HS1BP3: variants seen among roughly 807,000 people sequenced by gnomAD.
The protein encoded by HS1BP3 is HCLS1 binding protein 3, also known as HCLS1-binding protein 3.
In HS1BP3, 32 loss-of-function variants were observed where a neutral mutation model predicts 33.5. The ratio of observed to expected loss-of-function variants is 0.95; its 90% CI spans 0.72 to 1.28. The LOEUF (loss-of-function observed/expected upper bound fraction) is 1.28. Ranked by LOEUF, HS1BP3 falls within the 50% of genes most tolerant of loss-of-function variation. The pLI is 0.00. For synonymous variants in HS1BP3, 187 were observed against 209.2 expected (o/e 0.89, Z 0.92); for missense variants, 486 against 502.3 (o/e 0.97, Z 0.31).
the HS1BP3 span, among the ~76,000 whole-genome samples, chr2:20,554,352 T>G: frequency 6.6e-6 from 1 of 152,122 alleles, no homozygotes; most frequent in Non-Finnish European, 1.5e-5. Context: ...TAACACACAT[T>G]CATGCAGCAT....
intron 5 of HS1BP3, among the ~76,000 whole-genome samples, chr2:20,583,882 T>C (rs1256593607): frequency 6.6e-6 from 1 of 152,314 alleles, no homozygotes; most frequent in East Asian, 1.9e-4. Flanking sequence ...TCCTGGGACC[T>C]GGCCAGCATA....
At chr2:20,648,461 CA>C (rs1695584659) in intron 1 of HS1BP3, among the ~76,000 whole-genome samples, 7 of 152,320 alleles carry the variant, frequency 4.6e-5, no homozygotes, top group Non-Finnish European at 1.0e-4. Flanking sequence ...CAGCAGTGGG[CA>C]CAGTCAGCCA....
At position 20,566,376 on chromosome 2, in the gene HS1BP3, C is replaced by A. The variant is rs748447863; in HGVS notation, c.303-5861G>T. ...TATGTGGGTCCGGGTGGGGTGACTC[C>A]CAGCTCTCAGCATTTCTGCCCCAGT... On this transcript the variant is annotated intron_variant, in intron 5 of 5. Coordinates refer to the HS1BP3 transcript ENST00000446825. Among the ~76,000 whole-genome samples, 4 of 152,308 alleles carry A rather than the reference C, an allele frequency of 2.6e-5. No homozygotes were observed. The South Asian group carries it at 6.2e-4, about 24-fold the overall frequency.
At chr2:20,640,927 T>C (rs1695319974) in intron 3 of HS1BP3, 46 bp downstream of exon 3, 2 of 1,589,492 alleles carry the variant, frequency 1.3e-6, no homozygotes, top group Admixed American at 3.3e-5. Flanking sequence ...GGGGCCTAGT[T>C]CTGGGCCGGG....
chr2:20,570,103 A>G (rs1693230012), intron 5 of HS1BP3, among the ~76,000 whole-genome samples: 2 of 152,262 alleles, frequency 1.3e-5, no homozygotes, highest in Non-Finnish European at 2.9e-5. Context: ...GCCACAAGCA[A>G]TTCCAGGGCT....
intron 5 of HS1BP3, among the ~76,000 whole-genome samples, chr2:20,583,361 G>C (rs1266195871): frequency 7.3e-6 from 1 of 137,556 alleles, no homozygotes; most frequent in Non-Finnish European, 1.5e-5. Context: ...GGGCGCAGTT[G>C]GTTCTCACTA....
intron 2 of HS1BP3, among the ~76,000 whole-genome samples, chr2:20,606,014 A>G (rs984097778): frequency 6.6e-6 from 1 of 152,104 alleles, no homozygotes; most frequent in Non-Finnish European, 1.5e-5. Context: ...TTCTTGAGGA[A>G]CCACCACACT....
intron 5 of HS1BP3, among the ~76,000 whole-genome samples, chr2:20,580,046 C>T (rs1037045382): frequency 3.3e-5 from 5 of 152,270 alleles, no homozygotes; most frequent in Non-Finnish European, 5.9e-5. Flanking sequence ...ACTCCCTGAA[C>T]TCATACCCAC....
chr2:20,572,092 C>A (rs1693288086), intron 5 of HS1BP3, among the ~76,000 whole-genome samples: 1 of 152,246 alleles, frequency 6.6e-6, no homozygotes. Context: ...ACCCCCTGCA[C>A]TCTTTCCTTT....
At position 20,620,960 on chromosome 2, in the gene HS1BP3, C is replaced by T. The variant is rs117988451; in HGVS notation, c.921-1715G>A. The stretch of plus-strand genomic sequence containing the variant: ...CAGAGAAGGGAGTGAGCCCTTGGGC[C>T]AGAGCAGGCTGGGAAGGCCTCCTGG... On this transcript the variant is annotated intron_variant, in intron 6 of 6. Transcript: ENST00000304031. Among the ~76,000 whole-genome samples the T allele has an allele frequency of 9.8e-5, 15 of 152,324 alleles. No individual in the cohort carries two copies. The East Asian group carries it at 2.9e-3, about 29-fold the overall frequency.
downstream of HS1BP3, among the ~76,000 whole-genome samples, chr2:20,617,322 G>A (rs1694450561): frequency 6.6e-6 from 1 of 152,208 alleles, no homozygotes. Context: ...GAAGGGGGAA[G>A]GCAAATGGGT....
intron 4 of HS1BP3, among the ~76,000 whole-genome samples, chr2:20,629,993 C>T (rs13394212): frequency 0.047 from 7,202 of 152,296 alleles, 577 homozygotes; most frequent in African/African-American, 0.16. Flanking sequence ...ACCCACACAG[C>T]AGACCACCAA....
chr2:20,610,393 C>T (rs192198522), intron 2 of HS1BP3, among the ~76,000 whole-genome samples: 248 of 152,246 alleles, frequency 1.6e-3, no homozygotes, highest in African/African-American at 5.7e-3. Context: ...CCTTGAACCC[C>T]AGAAACCACT....
At chr2:20,572,886 C>A (rs1325279223) in intron 5 of HS1BP3, among the ~76,000 whole-genome samples, 1 of 152,174 alleles carries the variant, frequency 6.6e-6, no homozygotes, top group African/African-American at 2.4e-5. Flanking sequence ...TGCCAAGCCC[C>A]ATGGGAGCAG....
intron 1 of HS1BP3, among the ~76,000 whole-genome samples, chr2:20,647,127 G>C (rs1695543853): frequency 6.6e-6 from 1 of 152,120 alleles, no homozygotes; most frequent in Non-Finnish European, 1.5e-5. Flanking sequence ...TCAGGGGTGG[G>C]AAAGGGATGG....
chr2:20,639,161 G>T (rs1695261903), intron 3 of HS1BP3, among the ~76,000 whole-genome samples: 1 of 152,224 alleles, frequency 6.6e-6, no homozygotes, highest in African/African-American at 2.4e-5. Flanking sequence ...TGGACTGGAT[G>T]GGTGCCCAGG....
At chr2:20,588,004 A>G (rs922843717), downstream of HS1BP3, among the ~76,000 whole-genome samples, 1 of 151,968 alleles carries the variant, frequency 6.6e-6, no homozygotes, top group Non-Finnish European at 1.5e-5. Flanking sequence ...ACCCCAGGAC[A>G]TGGGACACCT....
chr2:20,564,347 C>T (rs2149270291), intron 5 of HS1BP3, among the ~76,000 whole-genome samples: 1 of 152,254 alleles, frequency 6.6e-6, no homozygotes, highest in East Asian at 1.9e-4. Flanking sequence ...TCCGTGGCCC[C>T]AGCTGGCCCA....
At chr2:20,573,553 G>A (rs767269203) in intron 5 of HS1BP3, among the ~76,000 whole-genome samples, 4 of 152,142 alleles carry the variant, frequency 2.6e-5, no homozygotes, top group Admixed American at 6.6e-5. Context: ...CCCAAAAAAG[G>A]CCTGGCTCGG....
Sources: allele counts gnomAD v4.1 joint callset (sites outside exome capture counted in the v4.1 genomes callset), GRCh38; gene constraint gnomAD v4.1.1; transcripts MANE v1.5; gene names NCBI Gene and HGNC (gene_info 2026-07-23, HGNC 2026-07-21).